SLC9A9: variants seen among roughly 807,000 people sequenced by gnomAD.
SLC9A9 encodes sodium/hydrogen exchanger 9.
A neutral mutation model predicts 77.8 loss-of-function variants in SLC9A9; 62 were observed. The ratio of observed to expected loss-of-function variants is 0.80; its 90% CI spans 0.65 to 0.98. SLC9A9 has a LOEUF of 0.98. Ranked by LOEUF, SLC9A9 falls within the 50% of genes least tolerant of loss-of-function variation. The probability of loss-of-function intolerance (pLI) is 0.00; values close to 1 mark genes in which losing one functional copy is unlikely to be tolerated. For synonymous variants in SLC9A9, 320 were observed against 283.5 expected (o/e 1.13, Z -1.29); for missense variants, 775 against 774.9 (o/e 1.00, Z 0.00).
chr3:143,392,108 A>G (rs1327916563), intron 12 of SLC9A9, among the ~76,000 whole-genome samples: 2 of 152,172 alleles, frequency 1.3e-5, no homozygotes, highest in African/African-American at 2.4e-5. Context: ...GAACGCCACA[A>G]ACATACTCCT....
intron 9 of SLC9A9, among the ~76,000 whole-genome samples, chr3:143,499,553 C>T (rs2035894065): frequency 6.6e-6 from 1 of 152,068 alleles, no homozygotes; most frequent in Admixed American, 6.6e-5. Flanking sequence ...TTGATTTCCA[C>T]AGTCATGTTG....
At chr3:143,401,271 C>T (rs1386153153) in intron 12 of SLC9A9, among the ~76,000 whole-genome samples, 2 of 152,118 alleles carry the variant, frequency 1.3e-5, no homozygotes, top group Non-Finnish European at 2.9e-5. Context: ...CTCTATCTAC[C>T]CCACCCAGCT....
chr3:143,468,321 T>G (rs2035320080), intron 11 of SLC9A9, among the ~76,000 whole-genome samples: 1 of 152,364 alleles, frequency 6.6e-6, no homozygotes, highest in Non-Finnish European at 1.5e-5. Flanking sequence ...TCTGCCTCCT[T>G]GGCAGATTGG....
chr3:143,727,570 G>A (rs1560051566), intron 4 of SLC9A9, among the ~76,000 whole-genome samples: 1 of 151,708 alleles, frequency 6.6e-6, no homozygotes, highest in Non-Finnish European at 1.5e-5. Context: ...TTACTCTTTA[G>A]TGAATCATAT....
At chr3:143,794,321 ATTT>A (rs34318652) in intron 4 of SLC9A9, among the ~76,000 whole-genome samples, 2 of 149,822 alleles carry the variant, frequency 1.3e-5, no homozygotes, top group South Asian at 2.1e-4. Flanking sequence ...GTACCTGGAC[ATTT>A]TTTTTTTTTC....
chr3:143,786,042 A>C (rs553314412), intron 4 of SLC9A9, among the ~76,000 whole-genome samples: 404 of 151,384 alleles, frequency 2.7e-3, no homozygotes, highest in African/African-American at 9.4e-3. Flanking sequence ...TTTTTAGTAG[A>C]GACGGGGTTT....
intron 6 of SLC9A9, among the ~76,000 whole-genome samples, chr3:143,581,291 G>C (rs1437022606): frequency 6.6e-6 from 1 of 152,130 alleles, no homozygotes; most frequent in Non-Finnish European, 1.5e-5. Context: ...GTGTGGTGGG[G>C]TAAAGATGGG....
intron 12 of SLC9A9, among the ~76,000 whole-genome samples, chr3:143,442,522 G>T (rs1357749546): frequency 6.6e-6 from 1 of 152,098 alleles, no homozygotes; most frequent in African/African-American, 2.4e-5. Flanking sequence ...GGAGTTCAAG[G>T]CCAGCATGGC....
At chr3:143,665,468 C>A (rs531244880) in intron 5 of SLC9A9, among the ~76,000 whole-genome samples, 1 of 151,772 alleles carries the variant, frequency 6.6e-6, no homozygotes, top group South Asian at 2.1e-4. Context: ...TAGCAGAAGG[C>A]AATAAATAAA....
intron 14 of SLC9A9, among the ~76,000 whole-genome samples, chr3:143,326,649 C>T (rs1237626832): frequency 1.3e-5 from 2 of 152,192 alleles, no homozygotes; most frequent in Admixed American, 6.5e-5. Flanking sequence ...CCCCAACTAC[C>T]TTCTCTAATG....
At chr3:143,529,856 TA>T (rs550747517) in intron 9 of SLC9A9, among the ~76,000 whole-genome samples, 198 of 152,182 alleles carry the variant, frequency 1.3e-3, no homozygotes, top group Admixed American at 2.0e-3. Context: ...ATTTAGCAAA[TA>T]AAAAGTCTAT....
At chr3:143,431,484 C>CCT (rs200888924) in intron 12 of SLC9A9, among the ~76,000 whole-genome samples, 38 of 85,596 alleles carry the variant, frequency 4.4e-4, no homozygotes, top group Middle Eastern at 6.0e-3. Flanking sequence ...GCTGCCCCCA[C>CCT]CTTTTTTTTT....
intron 13 of SLC9A9, among the ~76,000 whole-genome samples, chr3:143,364,318 T>C (rs904136099): frequency 6.6e-6 from 1 of 152,140 alleles, no homozygotes; most frequent in African/African-American, 2.4e-5. Flanking sequence ...GTTTTTACTG[T>C]ATTCCATTTT....
At chr3:143,349,722 G>A (rs1450611871) in intron 14 of SLC9A9, among the ~76,000 whole-genome samples, 1 of 152,214 alleles carries the variant, frequency 6.6e-6, no homozygotes, top group Non-Finnish European at 1.5e-5. Context: ...TTGGTAGGAT[G>A]TGGTATATCA....
chr3:143,319,514 G>A (rs192857674), intron 14 of SLC9A9, among the ~76,000 whole-genome samples: 5 of 152,312 alleles, frequency 3.3e-5, no homozygotes, highest in Non-Finnish European at 7.3e-5. Flanking sequence ...CAGGACAGTG[G>A]CTGTTCTCCA....
In SLC9A9 at chr3:143,827,379, G is replaced by T. The variant is rs558433245; in HGVS notation, c.378+4640C>A. ...CATCGTCTGCTCATAACATATAGAAGAATACTGTTTTCACCAATCTTTAAG... is the reference window on the plus strand; with the variant it reads ...CATCGTCTGCTCATAACATATAGAATAATACTGTTTTCACCAATCTTTAAG... On this transcript the variant is annotated intron_variant, in intron 2 of 15. Transcript: ENST00000316549. Among the ~76,000 whole-genome samples, 43 of 152,218 alleles carry T rather than the reference G, an allele frequency of 2.8e-4. No homozygotes were observed. The South Asian group carries it at 8.5e-3, about 30-fold the overall frequency.
chr3:143,557,296 C>A (rs1239244108), intron 8 of SLC9A9, among the ~76,000 whole-genome samples: 2 of 152,164 alleles, frequency 1.3e-5, no homozygotes, highest in African/African-American at 4.8e-5. Context: ...GTCAATTAAA[C>A]CTCTTCTTTA....
rs571300055 is a variant in SLC9A9, at chr3:143,354,675, T to C, written c.1604+8809A>G. ...TAAAGAACATTTAAACATTATACTC[T>C]TTTTTCATGGGAAACAAATATTAAA... On this transcript the variant is annotated intron_variant, in intron 14 of 15. Transcript: ENST00000316549. Among the ~76,000 whole-genome samples the C allele has an allele frequency of 5.9e-5, 9 of 152,366 alleles. No homozygotes were observed. In the South Asian group the frequency reaches 1.7e-3, roughly 28 times the overall value.
intron 12 of SLC9A9, among the ~76,000 whole-genome samples, chr3:143,450,519 T>C (rs1310649434): frequency 1.3e-5 from 2 of 152,136 alleles, no homozygotes; most frequent in South Asian, 2.1e-4. Context: ...TTTTTTAAAA[T>C]AATTTTCTGG....
Sources: gnomAD v4.1 joint callset for allele counts (sites outside exome capture counted in the v4.1 genomes callset) on GRCh38, gnomAD v4.1.1 for gene constraint, MANE v1.5 for transcripts, NCBI Gene and HGNC (gene_info 2026-07-23, HGNC 2026-07-21) for gene names.